The following CD81 variants were observed in gnomAD, a reference collection of about 807,000 sequenced individuals.
CD81 encodes the protein CD81 molecule.
In CD81, 10 loss-of-function variants were observed where a neutral mutation model predicts 30.1. The ratio of observed to expected loss-of-function variants is 0.33; its 90% CI spans 0.21 to 0.56. CD81 has a LOEUF of 0.56. CD81 is among the 20% of genes least tolerant of loss of function. The pLI is 0.89. For missense variants in CD81, 263 were observed against 308.7 expected, an observed-to-expected ratio of 0.85 and a Z score of 1.11; for synonymous variants, 147 against 126.4, an observed-to-expected ratio of 1.16 and a Z score of -1.10.
intron 5 of CD81, 127 bp downstream of exon 5, chr11:2,395,647 C>G: frequency 1.2e-6 from 1 of 821,394 alleles, no homozygotes; most frequent in Non-Finnish European, 2.0e-6. Flanking sequence ...ACCTCCAGGA[C>G]CCCTGGTCTC....
chr11:2,395,061 G>GC lies in CD81; in HGVS notation c.354+16dup. The GC allele has an allele frequency of 6.2e-7, 1 of 1,607,594 alleles. No individual in the cohort carries two copies. Among genetic ancestry groups the GC allele is most frequent in the Admixed American group, 1.7e-5 (1 of 60,028 alleles). ...ACAAGGACCAGGTGAGCCTGGGTGT[G>GC]CAGGGACAGGGTGGGGTGGGTGACG... On this transcript the variant is annotated intron_variant, in intron 4 of 7. Coordinates refer to ENST00000263645, the MANE Select transcript of CD81 (RefSeq NM_004356.4).
At position 2,386,308 on chromosome 11, in the gene CD81, T is replaced by C. The variant is rs1019277756; in HGVS notation, c.67-4104T>C. 7.9e-6 allele frequency: 5 copies of C among 634,560 alleles called. No homozygotes were observed. In the Admixed American group the frequency reaches 1.2e-4, roughly 15 times the overall value. 39.3% of individuals were successfully genotyped at this position (634,560 alleles called of 1,614,324 possible). On this transcript the variant is annotated intron_variant, in intron 1 of 7. Transcript: ENST00000263645. ...TGCATACGTTCAGGGCACAGGTCCT[T>C]TACCAGGCTCTGCCCCAGGTCTTTC...
chr11:2,396,942 C>T lies in CD81; in HGVS notation c.*76C>T, dbSNP rs900539408. ...CGGACACTTCCGAGGGGGCCATCAC[C>T]GCCTGTGTATATAACGTTTCCGGTA... On this transcript the variant is annotated 3_prime_UTR_variant, in exon 8 of 8. Coordinates refer to ENST00000263645, the MANE Select transcript of CD81 (RefSeq NM_004356.4). 1.6e-5 allele frequency: 22 copies of T among 1,342,538 alleles called. No homozygotes were observed. The highest frequency in any genetic ancestry group is 1.5e-4 in the Admixed American group (9 of 58,492). 83.2% of individuals were successfully genotyped at this position (1,342,538 alleles called of 1,614,324 possible). A position where few individuals can be genotyped will look rare whatever the true frequency, so the allele number is the denominator to read the frequency against.
rs1362279992 is a variant in CD81 at position 2,396,660 on chromosome 11, C to T, written c.594C>T (p.Phe198=). The T allele has an allele frequency of 1.2e-6, 2 of 1,611,846 alleles. No individual in the cohort carries two copies. The highest frequency in any genetic ancestry group is 1.7e-6 in the Non-Finnish European group (2 of 1,179,994). Residue 198 remains phenylalanine, a synonymous_variant, in exon 7 of 8, where the codon TTC becomes TTT. Coordinates refer to ENST00000263645, the MANE Select transcript of CD81 (RefSeq NM_004356.4). ...GCCACCAGAAGATCGATGACCTCTT[C>T]TCCGGGAAGCTGTACCTCATCGGCA... ...EDCHQKIDDL[F]SGKLYLIGIA... is the part of the protein sequence containing the mutation.
upstream of CD81, chr11:2,376,946 C>T (rs1849601981): frequency 1.3e-5 from 2 of 152,368 alleles, no homozygotes; most frequent in Admixed American, 6.5e-5. Flanking sequence ...GGGGAGCCCT[C>T]CCAGATTGTC....
rs537850794 is a variant in CD81 at position 2,394,877 on chromosome 11, C to T, written c.280-95C>T. On this transcript the variant is annotated intron_variant, in intron 3 of 7. Transcript: ENST00000263645. Reference sequence around the variant, plus strand: ...GTGGGCTGGTGGCTCCCACTAGCCCCTCACAGACACGCCTGCTGGGCACCT... The same window carrying T: ...GTGGGCTGGTGGCTCCCACTAGCCCTTCACAGACACGCCTGCTGGGCACCT... The T allele has an allele frequency of 1.9e-5, 23 of 1,180,944 alleles. No individual in the cohort carries two copies. The African/African-American group carries it at 3.0e-4, about 15-fold the overall frequency. 73.2% of individuals were successfully genotyped at this position (1,180,944 alleles called of 1,614,324 possible). A position where few individuals can be genotyped will look rare whatever the true frequency, so the allele number is the denominator to read the frequency against.
chr11:2,386,196 T>A, intron 1 of CD81: 1 of 716,606 alleles, frequency 1.4e-6, no homozygotes, highest in South Asian at 1.5e-5. Context: ...TGTGTGTGGA[T>A]CTTGCGGGGA....
Position 2,390,401 on chromosome 11 carries a change from C to T in CD81, c.67-11C>T. On this transcript the variant is annotated splice_polypyrimidine_tract_variant and intron_variant, in intron 1 of 7. Transcript: ENST00000263645. Reference sequence around the variant, plus strand: ...CTTCGTACATGTGACACTGTTCCCGCTCTTTCCCAGCTGGCTGGAGGCGTG... The same window carrying T: ...CTTCGTACATGTGACACTGTTCCCGTTCTTTCCCAGCTGGCTGGAGGCGTG... 1 of 1,607,790 alleles carries T rather than the reference C, an allele frequency of 6.2e-7. No homozygotes were observed. Among genetic ancestry groups the T allele is most frequent in the Non-Finnish European group, 8.5e-7 (1 of 1,175,574 alleles).
chr11:2,396,729 G>A lies in CD81; in HGVS notation c.648+15G>A. 2.5e-6 allele frequency: 4 copies of A among 1,611,532 alleles called. No individual in the cohort carries two copies. In the South Asian group the frequency reaches 4.4e-5, roughly 18 times the overall value. On this transcript the variant is annotated intron_variant, in intron 7 of 7. Transcript: ENST00000263645. ...CTGTGATCATGGTGAGCGGGCGGGG[G>A]CGGAGGGCCTGCTCTCTGGGCTGCC...
chr11:2,392,676 G>C (rs1335796786), intron 2 of CD81: 1 of 152,310 alleles, frequency 6.6e-6, no homozygotes, highest in East Asian at 1.9e-4. Flanking sequence ...GCCTCTTGCT[G>C]TCCCTGATGC....
Position 2,378,533 on chromosome 11 carries a change from C to G in CD81, c.66+918C>G, listed in dbSNP as rs771022102. On this transcript the variant is annotated intron_variant, in intron 1 of 7. Transcript: ENST00000263645. The surrounding 1 kb of genome is among the most constrained non-coding windows in gnomAD (Gnocchi z 4.9). ...TTGCTGAGAATGGCTTTCTCCTGAC[C>G]GCAGTCTTTGCTGCTGGGAAGTGAC... Among the ~76,000 whole-genome samples the G allele has an allele frequency of 1.3e-5, 2 of 152,208 alleles. No homozygotes were observed. Among genetic ancestry groups the G allele is most frequent in the Non-Finnish European group, 2.9e-5 (2 of 68,032 alleles).
intron 6 of CD81, 195 bp downstream of exon 6, chr11:2,396,165 G>A: frequency 3.1e-6 from 2 of 639,656 alleles, no homozygotes; most frequent in South Asian, 1.7e-5. Context: ...GGCGCCCTGT[G>A]CTGCGCATTC....
At chr11:2,393,015 C>T (rs1293422122) in intron 2 of CD81, 1 of 152,320 alleles carries the variant, frequency 6.6e-6, no homozygotes, top group Admixed American at 6.5e-5. Context: ...CAGGGCATTC[C>T]TGGCAGAGGC....
At chr11:2,396,088 G>A (rs950125534) in intron 6 of CD81, 118 bp downstream of exon 6, 8 of 698,822 alleles carry the variant, frequency 1.1e-5, no homozygotes, top group African/African-American at 3.6e-5. Context: ...TGGGTGGCAT[G>A]GCCCCTGTCA....
chr11:2,390,920 C>G (rs1404640459), intron 2 of CD81, among the ~76,000 whole-genome samples: 3 of 140,470 alleles, frequency 2.1e-5, no homozygotes, highest in Non-Finnish European at 4.6e-5. Context: ...GGATGGAACC[C>G]AGTGAGGGGT....
At chr11:2,396,426 TTA>T (rs1850004997) in intron 6 of CD81, 200 bp from the exon 7 acceptor site, 3 of 624,846 alleles carry the variant, frequency 4.8e-6, no homozygotes, top group Non-Finnish European at 8.6e-6. Context: ...CATTTCGCGT[TTA>T]TGTTAAAACG....
In CD81 at chr11:2,395,403, A is replaced by G. The variant is rs1168619953; in HGVS notation, c.355-13A>G. 1 of 1,602,808 alleles carries G rather than the reference A, an allele frequency of 6.2e-7. No individual in the cohort carries two copies. On this transcript the variant is annotated splice_polypyrimidine_tract_variant and intron_variant, in intron 4 of 7. Coordinates refer to ENST00000263645, the MANE Select transcript of CD81 (RefSeq NM_004356.4). ...AGGTTCCCCCTGTGCATGTGACCGC[A>G]CCCCTCCCCCAGATCGCCAAGGATG... is the stretch of plus-strand genomic sequence containing the variant.
chr11:2,379,096 TG>T lies in CD81; in HGVS notation c.66+1484del, dbSNP rs1849654575. On this transcript the variant is annotated intron_variant, in intron 1 of 7. Transcript: ENST00000263645. ...GGCTCGCCTTCCCCAGGCCCGGCCC[TG>T]GGACCTCAGCCGTTGCTTAGTGGTG... 6.7e-6 allele frequency: 3 copies of T among 450,984 alleles called. No homozygotes were observed. In the Admixed American group the frequency reaches 7.1e-5, roughly 11 times the overall value. 27.9% of individuals were successfully genotyped at this position (450,984 alleles called of 1,614,324 possible).
intron 6 of CD81, chr11:2,396,403 A>G: frequency 1.6e-6 from 1 of 611,392 alleles, no homozygotes; most frequent in East Asian, 2.8e-5. Flanking sequence ...AAAAGGGCAC[A>G]GTGTGTCCCA....
Sources: gnomAD v4.1 joint callset for allele counts (sites outside exome capture counted in the v4.1 genomes callset) on GRCh38, gnomAD v4.1.1 for gene constraint, Gnocchi (gnomAD v3.1) non-coding constraint, MANE v1.5 for transcripts, NCBI Gene and HGNC (gene_info 2026-07-23, HGNC 2026-07-21) for gene names.